Variants in PLXDC2 observed in about 807,000 individuals in gnomAD.
PLXDC2 encodes the protein plexin domain containing 2.
Under a neutral mutation model 68.9 loss-of-function variants are expected in PLXDC2, and 40 were observed. The ratio of observed to expected loss-of-function variants is 0.58; its 90% CI spans 0.45 to 0.76. The LOEUF (loss-of-function observed/expected upper bound fraction) is 0.76. Among genes scored for constraint, PLXDC2 ranks in the 30% least tolerant of loss-of-function variants. The pLI is 0.00. For missense variants in PLXDC2, 644 were observed against 661.9 expected (o/e 0.97, Z 0.30); for synonymous variants, 243 against 234.2 (o/e 1.04, Z -0.34).
chr10:19,984,367 A>G (rs1258287388), intron 1 of PLXDC2, among the ~76,000 whole-genome samples: 3 of 152,206 alleles, frequency 2.0e-5, no homozygotes, highest in Non-Finnish European at 2.9e-5. Context: ...CTCAGGTGTC[A>G]GCCTGAGATG....
chr10:19,890,579 G>A (rs1159851665), intron 1 of PLXDC2, among the ~76,000 whole-genome samples: 4 of 142,882 alleles, frequency 2.8e-5, no homozygotes, highest in South Asian at 4.4e-4. Context: ...GTTTCACCGC[G>A]TTAGCCAGGA....
chr10:20,236,769 C>G (rs1487186164), intron 12 of PLXDC2, among the ~76,000 whole-genome samples: 1 of 152,132 alleles, frequency 6.6e-6, no homozygotes, highest in South Asian at 2.1e-4. Flanking sequence ...GTAGTAGGAT[C>G]AAAGCTCACT....
Position 20,057,569 on chromosome 10 carries a change from C to A in PLXDC2, c.471+10554C>A, listed in dbSNP as rs188026155. Among the ~76,000 whole-genome samples the A allele has an allele frequency of 3.3e-5, 5 of 152,130 alleles. 1 individual carries two copies. In the East Asian group the frequency reaches 9.7e-4, roughly 29 times the overall value. On this transcript the variant is annotated intron_variant, in intron 3 of 13. Transcript: ENST00000377252. ...TAGTATTCCCATCGGAATTCCCAGC[C>A]CCAGAGAATAGGCATCTTTTTTTCT...
chr10:19,988,154 C>T (rs4311960), intron 1 of PLXDC2, among the ~76,000 whole-genome samples: 127,009 of 152,178 alleles, frequency 0.83, 53,153 homozygotes, highest in South Asian at 0.92. Flanking sequence ...ACTATCCTTT[C>T]GTTAGAATTT....
At chr10:20,139,920 G>T (rs1833979497) in intron 4 of PLXDC2, among the ~76,000 whole-genome samples, 1 of 152,128 alleles carries the variant, frequency 6.6e-6, no homozygotes, top group Admixed American at 6.5e-5. Context: ...GCATTGATGG[G>T]TGCAGCAAAC....
At chr10:20,071,866 G>A (rs1836321576) in intron 4 of PLXDC2, among the ~76,000 whole-genome samples, 1 of 152,298 alleles carries the variant, frequency 6.6e-6, no homozygotes, top group South Asian at 2.1e-4. Context: ...AGTAGGCAAA[G>A]AGGCAGTTGA....
chr10:19,840,394 T>A (rs915896302), intron 1 of PLXDC2, among the ~76,000 whole-genome samples: 2 of 152,142 alleles, frequency 1.3e-5, no homozygotes, highest in African/African-American at 4.8e-5. Context: ...AATCTCTTCA[T>A]TTTACAAATA....
At chr10:20,143,132 AGT>A (rs1834028292) in intron 4 of PLXDC2, among the ~76,000 whole-genome samples, 161 bp from the exon 5 acceptor site, 1 of 152,070 alleles carries the variant, frequency 6.6e-6, no homozygotes, top group Non-Finnish European at 1.5e-5. Flanking sequence ...ATCCAGACCA[AGT>A]ATTGTTAATT....
At chr10:20,260,785 C>G (rs1302773656) in intron 13 of PLXDC2, among the ~76,000 whole-genome samples, 1 of 152,150 alleles carries the variant, frequency 6.6e-6, no homozygotes, top group East Asian at 1.9e-4. Context: ...TTTTCCATAA[C>G]AGCTGTACCA....
intron 1 of PLXDC2, among the ~76,000 whole-genome samples, chr10:19,947,162 A>G (rs78063783): frequency 0.025 from 3,783 of 152,290 alleles, 160 homozygotes; most frequent in African/African-American, 0.086. Flanking sequence ...AAAGACAGCA[A>G]CAACAAAAAA....
chr10:20,017,262 G>A (rs1311245470), intron 2 of PLXDC2, among the ~76,000 whole-genome samples: 3 of 152,240 alleles, frequency 2.0e-5, no homozygotes, highest in African/African-American at 7.2e-5. Context: ...AGGGGGGCAG[G>A]GGCCACTGGG....
At chr10:20,013,950 T>C (rs1281299270) in intron 2 of PLXDC2, among the ~76,000 whole-genome samples, 1 of 152,154 alleles carries the variant, frequency 6.6e-6, no homozygotes. Flanking sequence ...GAAACAACTA[T>C]GAATAAATAC....
rs115779184 is a variant in PLXDC2, at chr10:20,137,800, T to C, written c.542-5495T>C. Among the ~76,000 whole-genome samples, 1,117 of 152,350 alleles carry C rather than the reference T, an allele frequency of 7.3e-3. 21 individuals are homozygous for C. The highest frequency in any genetic ancestry group is 0.026 in the African/African-American group (1,080 of 41,590). Reference sequence around the variant, plus strand: ...GTGTGGAGTTCGCACGTTCTCCCCATGTCTGTGTAGGCTTTTTCTGGGTAC... The same window carrying C: ...GTGTGGAGTTCGCACGTTCTCCCCACGTCTGTGTAGGCTTTTTCTGGGTAC... On this transcript the variant is annotated intron_variant, in intron 4 of 13. Transcript: ENST00000377252.
At chr10:20,206,760 A>G (rs1430508718) in intron 9 of PLXDC2, among the ~76,000 whole-genome samples, 1 of 152,078 alleles carries the variant, frequency 6.6e-6, no homozygotes, top group Non-Finnish European at 1.5e-5. Context: ...GGTAATTCCA[A>G]TGTGGGAGAG....
intron 1 of PLXDC2, among the ~76,000 whole-genome samples, chr10:19,921,779 G>A (rs1428173416): frequency 6.6e-6 from 1 of 152,212 alleles, no homozygotes; most frequent in Non-Finnish European, 1.5e-5. Context: ...AATAGAGCCT[G>A]CATTCCATGT....
At chr10:20,222,122 A>G (rs1835220430) in intron 12 of PLXDC2, among the ~76,000 whole-genome samples, 1 of 152,132 alleles carries the variant, frequency 6.6e-6, no homozygotes. Flanking sequence ...TTTCTGGAAA[A>G]AGGGTAACAT....
chr10:19,873,350 G>A (rs939985936), intron 1 of PLXDC2, among the ~76,000 whole-genome samples: 7 of 150,600 alleles, frequency 4.6e-5, no homozygotes, highest in African/African-American at 1.7e-4. Flanking sequence ...TAAAGGGAGT[G>A]TGTATCTAAT....
At chr10:20,020,503 A>G (rs1053660147) in intron 2 of PLXDC2, among the ~76,000 whole-genome samples, 21 of 152,084 alleles carry the variant, frequency 1.4e-4, no homozygotes, top group African/African-American at 5.1e-4. Context: ...CCTTCTGGTT[A>G]TGGTGCTGGA....
At chr10:20,166,301 A>T (rs555562793) in intron 7 of PLXDC2, among the ~76,000 whole-genome samples, 1 of 152,282 alleles carries the variant, frequency 6.6e-6, no homozygotes, top group South Asian at 2.1e-4. Context: ...GTTCTGCTTG[A>T]TGAAGAACAT....
Sources: gnomAD v4.1 joint callset for allele counts (sites outside exome capture counted in the v4.1 genomes callset) on GRCh38, gnomAD v4.1.1 for gene constraint, MANE v1.5 for transcripts, NCBI Gene and HGNC (gene_info 2026-07-23, HGNC 2026-07-21) for gene names.